DLGAP5: variants seen among roughly 807,000 people sequenced by gnomAD.
DLGAP5 encodes the protein DLG associated protein 5.
DLGAP5 carries 90 observed loss-of-function variants against 99.6 expected under a neutral mutation model. That is an observed-to-expected ratio of 0.90 (90% CI 0.76 to 1.08). DLGAP5 has a LOEUF of 1.08. Ranked by LOEUF, DLGAP5 falls within the 50% of genes least tolerant of loss-of-function variation. The probability of loss-of-function intolerance (pLI) is 0.00; values close to 1 mark genes in which losing one functional copy is unlikely to be tolerated. For missense variants in DLGAP5, 1,036 were observed against 983.5 expected, an observed-to-expected ratio of 1.05 and a Z score of -0.71; for synonymous variants, 311 against 321.3, an observed-to-expected ratio of 0.97 and a Z score of 0.34.
intron 12 of DLGAP5, among the ~76,000 whole-genome samples, chr14:55,166,955 A>G (rs1178528049): frequency 6.6e-6 from 1 of 151,704 alleles, no homozygotes; most frequent in Admixed American, 6.6e-5. Flanking sequence ...AATGAGCATC[A>G]GTCAAGATAA....
At chr14:55,164,214 TAATCC>T (rs1882552487) in intron 12 of DLGAP5, among the ~76,000 whole-genome samples, 1 of 152,032 alleles carries the variant, frequency 6.6e-6, no homozygotes, top group Non-Finnish European at 1.5e-5. Context: ...CATATGCCTA[TAATCC>T]AAGCTACTTG....
intron 11 of DLGAP5, 53 bp downstream of exon 11, chr14:55,170,649 C>T (rs1025362386): frequency 3.5e-5 from 49 of 1,415,716 alleles, no homozygotes; most frequent in Middle Eastern, 1.8e-4. Context: ...TTCAGATAAA[C>T]GTAACCATAG....
Position 55,154,616 on chromosome 14 carries a change from C to T in DLGAP5, c.2063+1G>A, listed in dbSNP as rs1260735088. On this transcript the variant is annotated splice_donor_variant, in intron 15 of 18. Coordinates refer to ENST00000247191, the MANE Select transcript of DLGAP5 (RefSeq NM_014750.5). LOFTEE classifies it high-confidence loss of function. ...CTCTTATTAACATGTTAAAGAAATACCTGCTTTCAGGAATACTCAAAAACA... is the reference window on the plus strand; with the variant it reads ...CTCTTATTAACATGTTAAAGAAATATCTGCTTTCAGGAATACTCAAAAACA... 1.2e-6 allele frequency: 2 copies of T among 1,612,538 alleles called. No homozygotes were observed. The highest frequency in any genetic ancestry group is 1.1e-5 in the South Asian group (1 of 91,026).
chr14:55,161,982 G>C (rs922860684), intron 13 of DLGAP5, among the ~76,000 whole-genome samples: 2 of 149,342 alleles, frequency 1.3e-5, no homozygotes, highest in African/African-American at 4.9e-5. Flanking sequence ...GTTTTTATTT[G>C]GATTACATAG....
At position 55,175,443 on chromosome 14, in the gene DLGAP5, T is replaced by A; in HGVS notation, c.1204A>T (p.Thr402Ser). The A allele has an allele frequency of 7.2e-7, 1 of 1,397,878 alleles. No homozygotes were observed. 86.6% of individuals were successfully genotyped at this position (1,397,878 alleles called of 1,614,324 possible). A position where few individuals can be genotyped will look rare whatever the true frequency, so the allele number is the denominator to read the frequency against. ...EHVLNKNEAT[T>S]KNLNGLPIKE... ...ATTGGAAGGCCATTTAAATTTTTAG[T>A]AGTAGCTTCATTTTTATTTAAAACA... is the stretch of plus-strand genomic sequence containing the variant. The change falls in exon 10 of 19, where the codon ACT becomes TCT. Residue 402 changes from threonine (T) to serine (S), a missense_variant. Transcript: ENST00000247191.
chr14:55,178,078 C>T (rs145878991), intron 7 of DLGAP5, among the ~76,000 whole-genome samples: 5 of 146,224 alleles, frequency 3.4e-5, no homozygotes, highest in Non-Finnish European at 7.4e-5. Context: ...CAGCAAAACC[C>T]CGTCTTTGCT....
At chr14:55,173,614 T>C (rs1262738343) in intron 10 of DLGAP5, among the ~76,000 whole-genome samples, 3 of 150,230 alleles carry the variant, frequency 2.0e-5, no homozygotes, top group Non-Finnish European at 4.4e-5. Flanking sequence ...TATATATATA[T>C]ATACATGTTG....
rs1318070718 is a variant in DLGAP5, at chr14:55,179,080, T to C, written c.774+549A>G. ...AAATAAAAGAAAATAAACTATATCA[T>C]AGATTATAGGCCAAGGGGTTGGGTC... On this transcript the variant is annotated intron_variant, in intron 7 of 18. Coordinates refer to ENST00000247191, the MANE Select transcript of DLGAP5 (RefSeq NM_014750.5). 5.3e-5 allele frequency among the ~76,000 whole-genome samples: 8 copies of C among 152,134 alleles called. No individual in the cohort carries two copies. In the East Asian group the frequency reaches 5.8e-4, roughly 11 times the overall value.
intron 9 of DLGAP5, among the ~76,000 whole-genome samples, 173 bp downstream of exon 9, chr14:55,175,721 G>A (rs1028744650): frequency 4.0e-5 from 6 of 151,264 alleles, no homozygotes; most frequent in Admixed American, 3.3e-4. Context: ...ATGCTTTCCC[G>A]TCTTTTCTGA....
intron 17 of DLGAP5, 114 bp downstream of exon 17, chr14:55,151,581 A>C: frequency 8.7e-7 from 1 of 1,155,242 alleles, no homozygotes; most frequent in Non-Finnish European, 1.2e-6. Flanking sequence ...CTAACAATGA[A>C]GGATCCTCAA....
chr14:55,174,286 T>C (rs145387954), intron 10 of DLGAP5, among the ~76,000 whole-genome samples: 2,965 of 152,278 alleles, frequency 0.019, 76 homozygotes, highest in African/African-American at 0.068. Flanking sequence ...TAAATTTTGG[T>C]CAGACTGGTT....
chr14:55,156,542 G>A (rs1166933150), intron 14 of DLGAP5, among the ~76,000 whole-genome samples: 4 of 152,158 alleles, frequency 2.6e-5, no homozygotes, highest in Non-Finnish European at 5.9e-5. Flanking sequence ...GCAGTGATGT[G>A]TAGGTTCCCA....
At chr14:55,179,572 G>A in intron 7 of DLGAP5, 57 bp downstream of exon 7, 1 of 1,435,890 alleles carries the variant, frequency 7.0e-7, no homozygotes, top group Non-Finnish European at 9.6e-7. Context: ...TCAACTTTAT[G>A]AAAGTAGCAA....
rs1458590345 is a variant in DLGAP5 at position 55,170,774 on chromosome 14, A to T, written c.1315T>A (p.Ser439Thr). 5.6e-6 allele frequency: 9 copies of T among 1,613,336 alleles called. No individual in the cohort carries two copies. The highest frequency in any genetic ancestry group is 6.8e-6 in the Non-Finnish European group (8 of 1,179,558). Residue 439 changes from serine (S) to threonine (T), a missense_variant, in exon 11 of 19, where the codon TCA becomes ACA. By Grantham distance (58) the Ser-to-Thr change is moderately conservative. Coordinates refer to ENST00000247191, the MANE Select transcript of DLGAP5 (RefSeq NM_014750.5). ...GVPYFRNILQSETEKLTSHCF... is the reference protein window; with the variant it reads ...GVPYFRNILQTETEKLTSHCF... Reference sequence around the variant, plus strand: ...TGTGAAGTTAATTTCTCAGTTTCTGACTGGAGGATATTTCTAAAATTATGA... The same window carrying T: ...TGTGAAGTTAATTTCTCAGTTTCTGTCTGGAGGATATTTCTAAAATTATGA...
chr14:55,150,868 A>T lies in DLGAP5; in HGVS notation c.2369-20T>A, dbSNP rs552147265. 3.7e-3 allele frequency: 5,677 copies of T among 1,535,488 alleles called. 155 individuals are homozygous for T. The African/African-American group carries it at 0.07, about 19-fold the overall frequency. ...ATAGTTCTGAAAAACAACAAAAAAAAACTTTTTAAAGAATATTCTCACATT... is the reference window on the plus strand; with the variant it reads ...ATAGTTCTGAAAAACAACAAAAAAATACTTTTTAAAGAATATTCTCACATT... On this transcript the variant is annotated intron_variant, in intron 17 of 18. Transcript: ENST00000247191.
At chr14:55,186,211 C>T (rs763078912) in intron 2 of DLGAP5, among the ~76,000 whole-genome samples, 22 of 152,086 alleles carry the variant, frequency 1.4e-4, no homozygotes, top group Non-Finnish European at 2.1e-4. Flanking sequence ...GCAGAGGTTG[C>T]GGTGAGCCGA....
intron 14 of DLGAP5, among the ~76,000 whole-genome samples, chr14:55,157,674 T>G (rs1882261757): frequency 6.6e-6 from 1 of 152,262 alleles, no homozygotes; most frequent in Admixed American, 6.5e-5. Flanking sequence ...ATTTTTAAAT[T>G]GGAAAATTAG....
chr14:55,151,386 C>T (rs1882011391), intron 17 of DLGAP5, among the ~76,000 whole-genome samples: 2 of 152,068 alleles, frequency 1.3e-5, no homozygotes, highest in African/African-American at 4.8e-5. Flanking sequence ...AACTCTGTCT[C>T]TACTAAAAAT....
chr14:55,167,517 G>A lies in DLGAP5; in HGVS notation c.1548+1882C>T, dbSNP rs957739584. 5.9e-5 allele frequency among the ~76,000 whole-genome samples: 9 copies of A among 152,100 alleles called. No individual in the cohort carries two copies. In the East Asian group the frequency reaches 1.7e-3, roughly 29 times the overall value. On this transcript the variant is annotated intron_variant, in intron 12 of 18. Coordinates refer to ENST00000247191, the MANE Select transcript of DLGAP5 (RefSeq NM_014750.5). The stretch of plus-strand genomic sequence containing the variant: ...AACGTTTTCTTTAGACTTAATAATT[G>A]TTTTGCTTTTTGTTTGCTCAGGGTT...
Sources: gnomAD v4.1 joint callset for allele counts (sites outside exome capture counted in the v4.1 genomes callset) on GRCh38, gnomAD v4.1.1 for gene constraint, MANE v1.5 for transcripts, NCBI Gene and HGNC (gene_info 2026-07-23, HGNC 2026-07-21) for gene names.